The following SYT9 variants were observed in gnomAD, a reference collection of about 807,000 sequenced individuals.
SYT9 encodes synaptotagmin 9, also known as synaptotagmin-9.
In SYT9, 22 loss-of-function variants were observed where a neutral mutation model predicts 48.4. That is an observed-to-expected ratio of 0.45 (90% CI 0.32 to 0.65). The LOEUF is 0.65. Among genes scored for constraint, SYT9 ranks in the 30% least tolerant of loss-of-function variants. The probability of loss-of-function intolerance (pLI) is 0.03; values close to 1 mark genes in which losing one functional copy is unlikely to be tolerated. For synonymous variants in SYT9, 265 were observed against 245.0 expected, an observed-to-expected ratio of 1.08 and a Z score of -0.76; for missense variants, 577 against 622.0, an observed-to-expected ratio of 0.93 and a Z score of 0.77.
In SYT9 at chr11:7,252,609, G is replaced by C. The variant is rs1440011463; in HGVS notation, c.145+278G>C. 1.3e-5 allele frequency among the ~76,000 whole-genome samples: 2 copies of C among 152,204 alleles called. No homozygotes were observed. The highest frequency in any genetic ancestry group is 4.8e-5 in the African/African-American group (2 of 41,462). ...CTGCGCTCCCATCGCCAAGGCTCCT[G>C]GGGGCGGCTCCCTAGCTCCGAGCTA... On this transcript the variant is annotated intron_variant, in intron 1 of 6. Coordinates refer to ENST00000318881, the MANE Select transcript of SYT9 (RefSeq NM_175733.4). The surrounding 1 kb of genome is among the most constrained non-coding windows in gnomAD (Gnocchi z 6.3).
At chr11:7,382,583 G>A (rs1850586554) in intron 3 of SYT9, among the ~76,000 whole-genome samples, 1 of 152,184 alleles carries the variant, frequency 6.6e-6, no homozygotes, top group South Asian at 2.1e-4. Context: ...AGTCTATGGT[G>A]CATGGAAGAG....
chr11:7,461,071 C>CA lies in SYT9; in HGVS notation c.1468-5720dup, dbSNP rs550112038. Among the ~76,000 whole-genome samples the CA allele has an allele frequency of 1.9e-3, 283 of 152,168 alleles. 1 individual carries two copies. Among genetic ancestry groups the CA allele is most frequent in the Admixed American group, 4.6e-3 (70 of 15,276 alleles). On this transcript the variant is annotated intron_variant, in intron 6 of 6. Coordinates refer to ENST00000318881, the MANE Select transcript of SYT9 (RefSeq NM_175733.4). The stretch of plus-strand genomic sequence containing the variant: ...GGTTGGCTTCTGCTTGCTGTACTGT[C>CA]AGTGGGAGACAATCCTAGGCTTTTT...
At chr11:7,415,489 G>A (rs1391748014) in intron 3 of SYT9, among the ~76,000 whole-genome samples, 1 of 152,078 alleles carries the variant, frequency 6.6e-6, no homozygotes. Flanking sequence ...CAAGTTTGAG[G>A]GGGCTGTGTA....
intron 3 of SYT9, among the ~76,000 whole-genome samples, chr11:7,408,164 T>C (rs1361748859): frequency 6.6e-6 from 1 of 152,244 alleles, no homozygotes; most frequent in Non-Finnish European, 1.5e-5. Flanking sequence ...AGTCTCGCTC[T>C]GTTGCCCAGG....
intron 3 of SYT9, among the ~76,000 whole-genome samples, chr11:7,360,289 G>C (rs1319150144): frequency 1.3e-5 from 2 of 152,170 alleles, no homozygotes; most frequent in Non-Finnish European, 2.9e-5. Context: ...GTAGTGTGAT[G>C]CCTCCAGCTT....
At chr11:7,271,629 T>G (rs1848297810) in intron 1 of SYT9, among the ~76,000 whole-genome samples, 1 of 152,188 alleles carries the variant, frequency 6.6e-6, no homozygotes. Flanking sequence ...CAGGTTGGAG[T>G]GCAGTGGCAC....
chr11:7,262,141 G>A (rs1400797251), intron 1 of SYT9, among the ~76,000 whole-genome samples: 1 of 152,122 alleles, frequency 6.6e-6, no homozygotes, highest in Non-Finnish European at 1.5e-5. Flanking sequence ...CTGGGTAGCT[G>A]GAAGGTGGAG....
chr11:7,466,204 T>C (rs945979050), intron 6 of SYT9, among the ~76,000 whole-genome samples: 18 of 152,214 alleles, frequency 1.2e-4, no homozygotes, highest in Admixed American at 1.3e-4. Flanking sequence ...TCAGCCTAAA[T>C]GGCTTAGCTC....
chr11:7,297,098 G>C (rs79420863), intron 1 of SYT9, among the ~76,000 whole-genome samples: 7 of 130,160 alleles, frequency 5.4e-5, no homozygotes, highest in East Asian at 3.0e-4. Context: ...GAGAGAGAGA[G>C]AGACAGAGAG....
At chr11:7,374,676 A>G (rs1850421798) in intron 3 of SYT9, among the ~76,000 whole-genome samples, 1 of 152,152 alleles carries the variant, frequency 6.6e-6, no homozygotes, top group Admixed American at 6.5e-5. Context: ...ACCAATGATG[A>G]TGCGCTTTTT....
chr11:7,352,235 G>A (rs1371935023), intron 3 of SYT9, among the ~76,000 whole-genome samples: 1 of 152,132 alleles, frequency 6.6e-6, no homozygotes, highest in Admixed American at 6.5e-5. Flanking sequence ...TCTTGAAGAA[G>A]CATAAACTCA....
chr11:7,353,201 G>A (rs941523627), intron 3 of SYT9, among the ~76,000 whole-genome samples: 2 of 152,054 alleles, frequency 1.3e-5, no homozygotes, highest in African/African-American at 4.8e-5. Flanking sequence ...GAGGGCACAG[G>A]AGAGGCATTG....
chr11:7,301,336 A>G (rs1257037747), intron 1 of SYT9, among the ~76,000 whole-genome samples: 16 of 152,206 alleles, frequency 1.1e-4, no homozygotes, highest in African/African-American at 3.6e-4. Flanking sequence ...TTTAAGAGCA[A>G]TTTTTGATAA....
At position 7,252,365 on chromosome 11, in the gene SYT9, A is replaced by C; in HGVS notation, c.145+34A>C. ...CGCCACCGCCGCCTGGAGGGACCTA[A>C]GGGCCCTGGGCTGGGACTTGGGGCC... On this transcript the variant is annotated intron_variant, in intron 1 of 6. Transcript: ENST00000318881. The surrounding 1 kb of genome is among the most constrained non-coding windows in gnomAD (Gnocchi z 6.3). 1 of 1,423,290 alleles carries C rather than the reference A, an allele frequency of 7.0e-7. No individual in the cohort carries two copies. The highest frequency in any genetic ancestry group is 1.5e-5 in the South Asian group (1 of 65,084). The allele number at this position is 1,423,290 out of a possible 1,614,324, so 88.2% of individuals were successfully genotyped here.
intron 1 of SYT9, among the ~76,000 whole-genome samples, chr11:7,297,094 GAGAGAGAC>G (rs1848827256): frequency 6.6e-6 from 1 of 151,660 alleles, no homozygotes; most frequent in Non-Finnish European, 1.5e-5. Context: ...GTGAGAGAGA[GAGAGAGAC>G]AGAGAGAGAG....
intron 6 of SYT9, among the ~76,000 whole-genome samples, chr11:7,434,067 T>C (rs1026164662): frequency 1.3e-5 from 2 of 152,206 alleles, no homozygotes; most frequent in African/African-American, 4.8e-5. Context: ...GTTAGTGCTA[T>C]TCTCAATTCT....
rs909943736 is a variant in SYT9, at chr11:7,454,061, C to G, written c.1468-12731C>G. 3 of 985,336 alleles carry G rather than the reference C, an allele frequency of 3.0e-6. No homozygotes were observed. In the African/African-American group the frequency reaches 5.2e-5, roughly 17 times the overall value. 61.0% of individuals were successfully genotyped at this position (985,336 alleles called of 1,614,324 possible). The stretch of plus-strand genomic sequence containing the variant: ...TCCCCACAGGGCAGGATACCAATCC[C>G]TAAGTCCAGGTGAGTCGCCCCTTTT... On this transcript the variant is annotated intron_variant, in intron 6 of 6. Coordinates refer to ENST00000318881, the MANE Select transcript of SYT9 (RefSeq NM_175733.4).
chr11:7,283,025 C>T (rs1206370047), intron 1 of SYT9, among the ~76,000 whole-genome samples: 1 of 150,006 alleles, frequency 6.7e-6, no homozygotes, highest in Admixed American at 6.6e-5. Flanking sequence ...GGGTCCACTC[C>T]CAGAGGCAAC....
At chr11:7,247,678 ATG>A (rs146537241), upstream of SYT9, among the ~76,000 whole-genome samples, 3 of 143,238 alleles carry the variant, frequency 2.1e-5, no homozygotes, top group Non-Finnish European at 4.5e-5. Context: ...ATACGTATAT[ATG>A]TGTGTATATA....
Sources: gnomAD v4.1 joint callset for allele counts (sites outside exome capture counted in the v4.1 genomes callset) on GRCh38, gnomAD v4.1.1 for gene constraint, Gnocchi (gnomAD v3.1) non-coding constraint, MANE v1.5 for transcripts, NCBI Gene and HGNC (gene_info 2026-07-23, HGNC 2026-07-21) for gene names.